Variants in LHPP observed in about 807,000 individuals in gnomAD.
LHPP encodes hLHPP.
LHPP carries 24 observed loss-of-function variants against 30.3 expected under a neutral mutation model. The observed-to-expected ratio is 0.79, with a 90% CI of 0.57 to 1.11. The LOEUF (loss-of-function observed/expected upper bound fraction) is 1.11, where lower values mean the gene tolerates loss of function less well. Ranked by LOEUF, LHPP falls within the 50% of genes most tolerant of loss-of-function variation. LHPP has a pLI of 0.00. For missense variants in LHPP, 356 were observed against 367.2 expected (o/e 0.97, Z 0.25); for synonymous variants, 150 against 157.1 (o/e 0.95, Z 0.34).
chr10:124,522,726 C>CCA (rs1554886522), intron 6 of LHPP, among the ~76,000 whole-genome samples: 1 of 127,636 alleles, frequency 7.8e-6, no homozygotes, highest in Admixed American at 9.1e-5. Context: ...TGCCCACGCC[C>CCA]CCCCCCAAGC....
At chr10:124,513,019 G>A (rs1374758896) in intron 5 of LHPP, among the ~76,000 whole-genome samples, 1 of 152,214 alleles carries the variant, frequency 6.6e-6, no homozygotes, top group African/African-American at 2.4e-5. Flanking sequence ...ATTTTGGTTT[G>A]TGTATTTATC....
At chr10:124,587,738 T>TAAAAAAAAAAAAAAA (rs747954796) in intron 6 of LHPP, among the ~76,000 whole-genome samples, 33 of 53,008 alleles carry the variant, frequency 6.2e-4, no homozygotes, top group East Asian at 3.1e-3. Flanking sequence ...AGACTCCATC[T>TAAAAAAAAAAAAAAA]AAAAAAAAAA....
intron 6 of LHPP, among the ~76,000 whole-genome samples, chr10:124,553,373 G>A (rs908598725): frequency 6.6e-6 from 1 of 151,348 alleles, no homozygotes; most frequent in African/African-American, 2.4e-5. Context: ...CAGCCAGGAT[G>A]CACCTGAGCT....
chr10:124,593,735 C>T lies in LHPP; in HGVS notation c.717-19529C>T, dbSNP rs1948909355. Among the ~76,000 whole-genome samples the T allele has an allele frequency of 6.6e-6, 1 of 152,264 alleles. No homozygotes were observed. The highest frequency in any genetic ancestry group is 2.1e-4 in the South Asian group (1 of 4,836). On this transcript the variant is annotated intron_variant, in intron 6 of 6. Coordinates refer to ENST00000368842, the MANE Select transcript of LHPP (RefSeq NM_022126.4). The surrounding 1 kb of genome is among the most constrained non-coding windows in gnomAD (Gnocchi z 4.9). ...GGTTGGGGCGAGGACCAGCTCTGGG[C>T]AGTCTCCAGGTCATGCGCGTTTGAC...
chr10:124,553,871 CCCA>C, intron 6 of LHPP: 1 of 985,376 alleles, frequency 1.0e-6, no homozygotes, highest in Non-Finnish European at 1.2e-6. Flanking sequence ...AGGTAAGGGG[CCCA>C]CCACATCTGT....
In LHPP at chr10:124,606,814, C is replaced by T. The variant is rs375730442; in HGVS notation, c.717-6450C>T. ...CAGGGAAGGGCGGAGGGGCTTAACG[C>T]AGGCCCACATGGCCAGGACACAGAA... On this transcript the variant is annotated intron_variant, in intron 6 of 6. Coordinates refer to ENST00000368842, the MANE Select transcript of LHPP (RefSeq NM_022126.4). Among the ~76,000 whole-genome samples, 4 of 152,304 alleles carry T rather than the reference C, an allele frequency of 2.6e-5. No homozygotes were observed. In the South Asian group the frequency reaches 8.3e-4, roughly 32 times the overall value.
chr10:124,589,981 G>T (rs1012505383), intron 6 of LHPP, among the ~76,000 whole-genome samples: 14 of 152,188 alleles, frequency 9.2e-5, no homozygotes, highest in Non-Finnish European at 1.8e-4. Flanking sequence ...CATGTTTCAA[G>T]GCCAAATCCT....
At position 124,562,730 on chromosome 10, in the gene LHPP, G is replaced by A. The variant is rs150209954; in HGVS notation, c.716+45459G>A. Among the ~76,000 whole-genome samples the A allele has an allele frequency of 8.6e-3, 1,309 of 152,162 alleles. 13 individuals carry two copies. The highest frequency in any genetic ancestry group is 0.03 in the African/African-American group (1,235 of 41,530). On this transcript the variant is annotated intron_variant, in intron 6 of 6. Coordinates refer to ENST00000368842, the MANE Select transcript of LHPP (RefSeq NM_022126.4). ...GTGGATCACTTGAGGCCAGGAGCTC[G>A]AGAACAGCCTGGCCAACATGGCAAA...
At chr10:124,503,585 T>G (rs1304125570) in intron 5 of LHPP, among the ~76,000 whole-genome samples, 1 of 152,040 alleles carries the variant, frequency 6.6e-6, no homozygotes, top group East Asian at 1.9e-4. Context: ...AACATTTACA[T>G]TTGTTTTGTA....
intron 6 of LHPP, among the ~76,000 whole-genome samples, chr10:124,562,643 T>G (rs1273184063): frequency 1.3e-5 from 2 of 152,056 alleles, no homozygotes; most frequent in Non-Finnish European, 2.9e-5. Flanking sequence ...TCAGAATGGC[T>G]AAAATAGGCC....
chr10:124,612,270 G>C (rs1329481881), intron 6 of LHPP, among the ~76,000 whole-genome samples: 1 of 152,198 alleles, frequency 6.6e-6, no homozygotes, highest in Non-Finnish European at 1.5e-5. Flanking sequence ...GCCGGGCGTG[G>C]TGGCGGGTGC....
At chr10:124,506,556 A>T (rs1014910600) in intron 5 of LHPP, among the ~76,000 whole-genome samples, 1 of 151,094 alleles carries the variant, frequency 6.6e-6, no homozygotes, top group Non-Finnish European at 1.5e-5. Context: ...CCAGGCACCA[A>T]ACCATCGTCT....
intron 5 of LHPP, chr10:124,498,584 A>G (rs1272286421): frequency 4.0e-6 from 4 of 992,752 alleles, no homozygotes; most frequent in Admixed American, 5.7e-5. Context: ...AGAATCGGTT[A>G]TGATTTTATT....
intron 1 of LHPP, among the ~76,000 whole-genome samples, chr10:124,474,042 G>A (rs1238933342): frequency 6.6e-6 from 1 of 150,670 alleles, no homozygotes; most frequent in East Asian, 1.9e-4. Flanking sequence ...GGAGATAAAA[G>A]CCAACGTTTT....
At chr10:124,470,575 C>A (rs1340465134) in intron 1 of LHPP, among the ~76,000 whole-genome samples, 1 of 152,024 alleles carries the variant, frequency 6.6e-6, no homozygotes, top group South Asian at 2.1e-4. Context: ...CCCCAGTATC[C>A]CCTCCTTCAT....
chr10:124,479,914 C>T (rs1480887047), intron 1 of LHPP, among the ~76,000 whole-genome samples: 2 of 152,160 alleles, frequency 1.3e-5, no homozygotes, highest in African/African-American at 2.4e-5. Flanking sequence ...GCCTCATAGG[C>T]TCGTTTACCC....
intron 1 of LHPP, among the ~76,000 whole-genome samples, chr10:124,466,991 G>T (rs1952568803): frequency 1.3e-5 from 2 of 151,852 alleles, no homozygotes; most frequent in South Asian, 4.2e-4. Context: ...GGGCATGGTG[G>T]TGCACGCCTG....
chr10:124,607,862 C>T (rs1166520944), intron 6 of LHPP, among the ~76,000 whole-genome samples: 1 of 152,202 alleles, frequency 6.6e-6, no homozygotes, highest in Non-Finnish European at 1.5e-5. Flanking sequence ...GGCCTCAGCC[C>T]CCGACTCCTT....
Position 124,596,848 on chromosome 10 carries a change from T to G in LHPP, c.717-16416T>G, listed in dbSNP as rs1948949392. 6.6e-6 allele frequency among the ~76,000 whole-genome samples: 1 copy of G among 152,234 alleles called. No individual in the cohort carries two copies. The highest frequency in any genetic ancestry group is 1.5e-5 in the Non-Finnish European group (1 of 68,032). On this transcript the variant is annotated intron_variant, in intron 6 of 6. Coordinates refer to ENST00000368842, the MANE Select transcript of LHPP (RefSeq NM_022126.4). The surrounding 1 kb of genome is among the most constrained non-coding windows in gnomAD (Gnocchi z 4.6). ...GATTGAAGGATGCCTAGATGGCTGG[T>G]AAAGTTTTGTTTCTGGCTGGTTAAG...
Sources: allele counts gnomAD v4.1 joint callset (sites outside exome capture counted in the v4.1 genomes callset), GRCh38; gene constraint gnomAD v4.1.1; non-coding constraint Gnocchi (gnomAD v3.1); transcripts MANE v1.5; gene names NCBI Gene and HGNC (gene_info 2026-07-23, HGNC 2026-07-21).